Variants in IGSF5 observed in about 807,000 individuals in gnomAD.
IGSF5 encodes the protein immunoglobulin superfamily member 5.
A neutral mutation model predicts 39.4 loss-of-function variants in IGSF5; 41 were observed. The observed-to-expected ratio is 1.04, with a 90% CI of 0.81 to 1.35. The LOEUF (loss-of-function observed/expected upper bound fraction) is 1.35. IGSF5 is among the 40% of genes most tolerant of loss of function. The pLI is 0.00. For synonymous variants in IGSF5, 183 were observed against 175.3 expected, an observed-to-expected ratio of 1.04 and a Z score of -0.34; for missense variants, 487 against 494.6, an observed-to-expected ratio of 0.98 and a Z score of 0.15.
chr21:39,742,624 A>G (rs905569643), upstream of IGSF5, among the ~76,000 whole-genome samples: 2 of 152,126 alleles, frequency 1.3e-5, no homozygotes, highest in African/African-American at 4.8e-5. Flanking sequence ...GGGCATGGAC[A>G]AGAGGGCGGC....
At chr21:39,721,673 C>CCCTTCCTTCCTT in the IGSF5 span, among the ~76,000 whole-genome samples, 1,092 of 140,934 alleles carry the variant, frequency 7.7e-3, 7 homozygotes, top group Admixed American at 8.8e-3. Context: ...GGCCATCTGT[C>CCCTTCCTTCCTT]CCTTCCTTCC....
intron 2 of IGSF5, among the ~76,000 whole-genome samples, chr21:39,747,406 G>A (rs766222546): frequency 7.3e-5 from 11 of 150,996 alleles, no homozygotes; most frequent in Admixed American, 1.3e-4. Context: ...GATTTGGGTG[G>A]GGTCACAGCC....
chr21:39,791,854 G>A (rs1392176389), intron 6 of IGSF5, 154 bp from the exon 7 acceptor site: 19 of 588,242 alleles, frequency 3.2e-5, no homozygotes, highest in East Asian at 2.2e-4. Flanking sequence ...TACCTGCAAC[G>A]CAGCGGCAAA....
At chr21:39,716,663 G>A in the IGSF5 span, among the ~76,000 whole-genome samples, 3 of 152,164 alleles carry the variant, frequency 2.0e-5, no homozygotes, top group Admixed American at 6.5e-5. Context: ...CTGTGTTCCA[G>A]CGAAACACAT....
chr21:39,736,764 AAC>A, the IGSF5 span, among the ~76,000 whole-genome samples: 466 of 152,306 alleles, frequency 3.1e-3, 1 homozygote, highest in African/African-American at 0.011. Flanking sequence ...ATCATAACTT[AAC>A]ATCTTCCAGA....
At chr21:39,761,453 C>T (rs1210314282) in intron 2 of IGSF5, among the ~76,000 whole-genome samples, 1 of 152,172 alleles carries the variant, frequency 6.6e-6, no homozygotes, top group Non-Finnish European at 1.5e-5. Flanking sequence ...AAATTGCCAA[C>T]AGAGTAAATG....
At chr21:39,745,078 T>TA (rs1318559065), upstream of IGSF5, among the ~76,000 whole-genome samples, 1 of 152,188 alleles carries the variant, frequency 6.6e-6, no homozygotes, top group Non-Finnish European at 1.5e-5. Context: ...TAACTATTTC[T>TA]TTTTCTTTCT....
At chr21:39,799,710 A>G (rs1437757700) in intron 8 of IGSF5, among the ~76,000 whole-genome samples, 1 of 152,118 alleles carries the variant, frequency 6.6e-6, no homozygotes, top group African/African-American at 2.4e-5. Flanking sequence ...TGCCAAGTGA[A>G]AGGTCTTGAC....
chr21:39,713,635 G>A, the IGSF5 span, among the ~76,000 whole-genome samples: 3 of 152,152 alleles, frequency 2.0e-5, no homozygotes, highest in African/African-American at 7.2e-5. Flanking sequence ...ATGCAAAACT[G>A]GCATCTTTCA....
chr21:39,746,182 A>G (rs1270512746), intron 1 of IGSF5, 34 bp from the exon 2 acceptor site: 4 of 701,528 alleles, frequency 5.7e-6, no homozygotes, highest in East Asian at 2.7e-5. Context: ...CTTTAGCCTG[A>G]TTGGAAGTGG....
intron 2 of IGSF5, among the ~76,000 whole-genome samples, chr21:39,755,444 G>T (rs568457106): frequency 1.3e-5 from 2 of 151,994 alleles, no homozygotes; most frequent in African/African-American, 4.8e-5. Context: ...AAAATTAGCC[G>T]AGCATGGTGG....
At chr21:39,781,659 T>G (rs1483434626) in intron 5 of IGSF5, among the ~76,000 whole-genome samples, 1 of 152,224 alleles carries the variant, frequency 6.6e-6, no homozygotes, top group Admixed American at 6.5e-5. Context: ...GTTTAGTTTA[T>G]GCCAACCTGG....
rs1423165927 is a variant in IGSF5, at chr21:39,801,224, A to G, written c.1129-38A>G. 8.1e-6 allele frequency: 12 copies of G among 1,476,520 alleles called. No individual in the cohort carries two copies. The South Asian group carries it at 9.2e-5, about 11-fold the overall frequency. 91.5% of individuals were successfully genotyped at this position (1,476,520 alleles called of 1,614,324 possible). A position where few individuals can be genotyped will look rare whatever the true frequency, so the allele number is the denominator to read the frequency against. Reference sequence around the variant, plus strand: ...CAAGTTTGCATTTTACAGTGATCTCAACCCATTAAATTGACTTTTTTCCTC... The same window carrying G: ...CAAGTTTGCATTTTACAGTGATCTCGACCCATTAAATTGACTTTTTTCCTC... On this transcript the variant is annotated intron_variant, in intron 8 of 8. Coordinates refer to ENST00000380588, the MANE Select transcript of IGSF5 (RefSeq NM_001080444.2).
At chr21:39,756,322 T>C (rs2080030543) in intron 2 of IGSF5, among the ~76,000 whole-genome samples, 1 of 152,210 alleles carries the variant, frequency 6.6e-6, no homozygotes, top group African/African-American at 2.4e-5. Flanking sequence ...GTGGGTTTCA[T>C]TCAGTAACTT....
chr21:39,749,145 G>A (rs2974990), intron 2 of IGSF5, among the ~76,000 whole-genome samples: 123,931 of 151,746 alleles, frequency 0.82, 50,781 homozygotes, highest in Admixed American at 0.86. Context: ...ACGTTGTAGG[G>A]GAGGAGAAGG....
the IGSF5 span, among the ~76,000 whole-genome samples, chr21:39,737,707 T>C: frequency 6.6e-6 from 1 of 152,196 alleles, no homozygotes; most frequent in Non-Finnish European, 1.5e-5. Flanking sequence ...CCTCCATGTG[T>C]TCCGGAGACG....
At chr21:39,768,638 T>C (rs994488219) in intron 3 of IGSF5, among the ~76,000 whole-genome samples, 2 of 152,186 alleles carry the variant, frequency 1.3e-5, no homozygotes, top group African/African-American at 4.8e-5. Context: ...ACTGAGACAA[T>C]ATCATTCCTC....
chr21:39,746,370 G>A (rs2079974941), intron 2 of IGSF5, 72 bp downstream of exon 2: 1 of 650,022 alleles, frequency 1.5e-6, no homozygotes, highest in Admixed American at 2.2e-5. Flanking sequence ...TTAATAGAGT[G>A]AAATAGAGTG....
chr21:39,788,226 C>CA (rs757074435), intron 6 of IGSF5, 38 bp downstream of exon 6: 78 of 1,465,340 alleles, frequency 5.3e-5, no homozygotes, highest in Middle Eastern at 1.7e-4. Context: ...GAAAACAAAA[C>CA]AAAAAAAATT....
Sources: allele counts gnomAD v4.1 joint callset (sites outside exome capture counted in the v4.1 genomes callset), GRCh38; gene constraint gnomAD v4.1.1; transcripts MANE v1.5; gene names NCBI Gene and HGNC (gene_info 2026-07-23, HGNC 2026-07-21).